The following CNTN1 variants were observed in gnomAD, a reference collection of about 807,000 sequenced individuals.
CNTN1 encodes contactin-1.
CNTN1 carries 38 observed loss-of-function variants against 126.4 expected under a neutral mutation model. That is an observed-to-expected ratio of 0.30 (90% confidence interval 0.23 to 0.39). CNTN1 has a LOEUF of 0.39. CNTN1 is among the 10% of genes least tolerant of loss of function. The pLI is 1.00. For missense variants in CNTN1, 1,009 were observed against 1,248.4 expected (o/e 0.81, Z 2.89); for synonymous variants, 413 against 422.6 (o/e 0.98, Z 0.28).
At chr12:41,023,849 G>T (rs890021639) in intron 20 of CNTN1, among the ~76,000 whole-genome samples, 1 of 152,168 alleles carries the variant, frequency 6.6e-6, no homozygotes, top group African/African-American at 2.4e-5. Flanking sequence ...TGTGGAGAAA[G>T]GTTGTTTATT....
intron 1 of CNTN1, among the ~76,000 whole-genome samples, chr12:40,744,983 A>G (rs1938120731): frequency 6.6e-6 from 1 of 152,128 alleles, no homozygotes; most frequent in African/African-American, 2.4e-5. Flanking sequence ...ATTGGACTGT[A>G]GCAATGTATA....
chr12:40,991,544 C>A (rs533710271), intron 16 of CNTN1, among the ~76,000 whole-genome samples: 341 of 152,220 alleles, frequency 2.2e-3, no homozygotes, highest in Non-Finnish European at 3.8e-3. Flanking sequence ...AAAAGGGCTA[C>A]CTTGGCCGGG....
intron 1 of CNTN1, among the ~76,000 whole-genome samples, chr12:40,840,605 CTCA>C: frequency 6.7e-6 from 1 of 149,128 alleles, no homozygotes; most frequent in South Asian, 2.1e-4. Context: ...CAAAACAAGT[CTCA>C]TCAATTTTTT....
At position 40,842,251 on chromosome 12, in the gene CNTN1, A is replaced by G. The variant is rs78773936; in HGVS notation, c.-76-66106A>G. Among the ~76,000 whole-genome samples the G allele has an allele frequency of 4.7e-3, 708 of 152,192 alleles. 6 individuals are homozygous for G. The highest frequency in any genetic ancestry group is 0.013 in the African/African-American group (528 of 41,554). ...TGATGAACAAGTTTTCAATAAATTTATATTAATTAGCTTGTTATTGGTTCC... is the reference window on the plus strand; with the variant it reads ...TGATGAACAAGTTTTCAATAAATTTGTATTAATTAGCTTGTTATTGGTTCC... On this transcript the variant is annotated intron_variant, in intron 1 of 23. Transcript: ENST00000551295.
intron 23 of CNTN1, among the ~76,000 whole-genome samples, chr12:41,043,023 G>A (rs1352192666): frequency 6.6e-6 from 1 of 152,124 alleles, no homozygotes; most frequent in Non-Finnish European, 1.5e-5. Flanking sequence ...AGACTTACAT[G>A]TTAGACCTAA....
chr12:40,800,793 G>A (rs1940615062), intron 1 of CNTN1, among the ~76,000 whole-genome samples: 1 of 152,016 alleles, frequency 6.6e-6, no homozygotes, highest in Admixed American at 6.6e-5. Context: ...TCTCCCTGGA[G>A]AAAGCAAAGT....
chr12:40,986,734 A>G (rs278916), intron 16 of CNTN1, among the ~76,000 whole-genome samples: 97,611 of 152,004 alleles, frequency 0.64, 31,496 homozygotes, highest in Admixed American at 0.68. Context: ...TCATGTTTGT[A>G]GTATCGGTGC....
chr12:40,924,527 A>G, intron 5 of CNTN1, 30 bp from the exon 6 acceptor site: 1 of 1,151,620 alleles, frequency 8.7e-7, no homozygotes, highest in Non-Finnish European at 1.3e-6. Flanking sequence ...CCAGAGAGTG[A>G]ATGTTTCTCT....
In CNTN1 at chr12:40,766,131, G is replaced by A. The variant is rs141275591; in HGVS notation, c.-77+73539G>A. Among the ~76,000 whole-genome samples, 31 of 152,252 alleles carry A rather than the reference G, an allele frequency of 2.0e-4. 1 individual carries two copies. The highest frequency in any genetic ancestry group is 6.7e-4 in the African/African-American group (28 of 41,534). Reference sequence around the variant, plus strand: ...CCAGCACTTTGGGAGGCCGAGGCCCGCAGATCACTTGAGGTCAAGGGTTCG... The same window carrying A: ...CCAGCACTTTGGGAGGCCGAGGCCCACAGATCACTTGAGGTCAAGGGTTCG... On this transcript the variant is annotated intron_variant, in intron 1 of 23. Transcript: ENST00000551295.
intron 1 of CNTN1, among the ~76,000 whole-genome samples, chr12:40,811,067 C>T (rs543200875): frequency 8.9e-4 from 135 of 152,190 alleles, no homozygotes; most frequent in Non-Finnish European, 1.7e-3. Context: ...TTTCTTTATC[C>T]GTTCATTCAT....
chr12:40,882,409 G>C (rs931304208), intron 1 of CNTN1, among the ~76,000 whole-genome samples: 1 of 151,684 alleles, frequency 6.6e-6, no homozygotes, highest in Non-Finnish European at 1.5e-5. Flanking sequence ...AATAAAAGTA[G>C]ATGATTTGAA....
intron 1 of CNTN1, among the ~76,000 whole-genome samples, chr12:40,903,074 A>G (rs1246778989): frequency 2.0e-5 from 3 of 152,212 alleles, no homozygotes; most frequent in Non-Finnish European, 4.4e-5. Flanking sequence ...GATGCTGGAG[A>G]ACAGAAGGTG....
intron 15 of CNTN1, chr12:40,971,982 C>T (rs749034374): frequency 3.6e-5 from 36 of 999,238 alleles, no homozygotes; most frequent in Middle Eastern, 5.0e-4. Flanking sequence ...GGCATTACTC[C>T]GGCAGTCTTT....
At chr12:41,011,102 G>A (rs1429123025) in intron 17 of CNTN1, among the ~76,000 whole-genome samples, 4 of 152,170 alleles carry the variant, frequency 2.6e-5, no homozygotes, top group African/African-American at 9.6e-5. Context: ...TTTTGGAAGG[G>A]TTCTATATAC....
intron 15 of CNTN1, among the ~76,000 whole-genome samples, chr12:40,962,029 G>A (rs1947122153): frequency 1.3e-5 from 2 of 152,044 alleles, no homozygotes; most frequent in Admixed American, 1.3e-4. Flanking sequence ...GAGAAGGACA[G>A]TAAACACAGT....
intron 23 of CNTN1, among the ~76,000 whole-genome samples, chr12:41,057,929 C>A (rs759009443): frequency 1.3e-5 from 2 of 151,894 alleles, no homozygotes; most frequent in East Asian, 3.9e-4. Context: ...ATATTACAGG[C>A]GAGGAAGAAA....
chr12:40,917,985 G>C (rs888788094), intron 3 of CNTN1, among the ~76,000 whole-genome samples: 1 of 152,150 alleles, frequency 6.6e-6, no homozygotes, highest in South Asian at 2.1e-4. Context: ...TCAGAAAAGA[G>C]ACTGATTTTC....
chr12:40,987,345 A>G (rs1466555354), intron 16 of CNTN1, among the ~76,000 whole-genome samples: 2 of 152,194 alleles, frequency 1.3e-5, no homozygotes, highest in African/African-American at 4.8e-5. Flanking sequence ...TTTTAAGGCA[A>G]TCTATTGTAA....
Position 40,925,838 on chromosome 12 carries a change from GTGTGTGTATATA to G in CNTN1, c.496+1188_496+1199del, listed in dbSNP as rs1565963152. Reference sequence around the variant, plus strand: ...TATATATATATATATATGTATGTGTGTGTGTGTATATATATATATATATATATATGTATATAT... The same window carrying G: ...TATATATATATATATATGTATGTGTGTATATATATATATATATGTATATAT... On this transcript the variant is annotated intron_variant, in intron 6 of 23. Coordinates refer to ENST00000551295, the MANE Select transcript of CNTN1 (RefSeq NM_001843.4). 7.6e-3 allele frequency among the ~76,000 whole-genome samples: 588 copies of G among 77,822 alleles called. 11 individuals are homozygous for G. The highest frequency in any genetic ancestry group is 0.037 in the African/African-American group (548 of 14,936). The allele number at this position is 77,822 out of a possible 152,430, so 51.1% of individuals were successfully genotyped here.
Sources: gnomAD v4.1 joint callset for allele counts (sites outside exome capture counted in the v4.1 genomes callset) on GRCh38, gnomAD v4.1.1 for gene constraint, MANE v1.5 for transcripts, NCBI Gene and HGNC (gene_info 2026-07-23, HGNC 2026-07-21) for gene names.